MAP4K1: variants seen among roughly 807,000 people sequenced by gnomAD.
MAP4K1 encodes the protein mitogen-activated protein kinase kinase kinase kinase 1.
MAP4K1 carries 35 observed loss-of-function variants against 122.8 expected under a neutral mutation model. The observed-to-expected ratio is 0.29, with a 90% CI of 0.22 to 0.38. The LOEUF is 0.38. Ranked by LOEUF, MAP4K1 falls within the 10% of genes least tolerant of loss-of-function variation. The pLI is 1.00. For synonymous variants in MAP4K1, 412 were observed against 421.3 expected (o/e 0.98, Z 0.27); for missense variants, 791 against 1,072.6 (o/e 0.74, Z 3.67).
In MAP4K1 at chr19:38,617,780, C is replaced by A. The variant is rs1975694917; in HGVS notation, c.99+17G>T. 1 of 1,613,636 alleles carries A rather than the reference C, an allele frequency of 6.2e-7. No homozygotes were observed. The highest frequency in any genetic ancestry group is 8.5e-7 in the Non-Finnish European group (1 of 1,179,654). ...GTCACTGGTTGTAGGGTGTTGGGGACAGAGGGGCTTCCTCACCTTAAAGAC... is the reference window on the plus strand; with the variant it reads ...GTCACTGGTTGTAGGGTGTTGGGGAAAGAGGGGCTTCCTCACCTTAAAGAC... On this transcript the variant is annotated intron_variant, in intron 1 of 30. Coordinates refer to ENST00000396857, the MANE Select transcript of MAP4K1 (RefSeq NM_001042600.3). This position sits in a 1 kb window ranked among gnomAD's most constrained non-coding sequence, Gnocchi z 4.1.
chr19:38,597,075 G>A lies in MAP4K1; in HGVS notation c.1900C>T (p.Leu634Phe). 6.2e-7 allele frequency: 1 copy of A among 1,614,184 alleles called. No homozygotes were observed. Among genetic ancestry groups the A allele is most frequent in the Non-Finnish European group, 8.5e-7 (1 of 1,180,022 alleles). ...CGALETSVVL[L>F]QWYQPMNKFL... The stretch of plus-strand genomic sequence containing the variant: ...TTGTTCATGGGCTGGTACCACTGAA[G>A]CAGGACAACGGACGTCTCCAATGCA... The change falls in exon 25 of 31, where the codon CTT (leucine) becomes TTT (phenylalanine). Residue 634 changes from leucine to phenylalanine, a missense_variant. Leu to Phe is a conservative substitution (Grantham distance 22, BLOSUM62 0). Around this residue, in one of 4 missense-constraint regions of MAP4K1, gnomAD observed 267 missense variants for 323.0 expected, o/e 0.83. Coordinates refer to ENST00000396857, the MANE Select transcript of MAP4K1 (RefSeq NM_001042600.3). This position sits in a 1 kb window ranked among gnomAD's most constrained non-coding sequence, Gnocchi z 4.6.
rs544862438 is a variant in MAP4K1, at chr19:38,592,917, C to A, written c.2396+365G>T. Among the ~76,000 whole-genome samples the A allele has an allele frequency of 5.4e-3, 821 of 151,252 alleles. 9 individuals carry two copies. The highest frequency in any genetic ancestry group is 0.019 in the African/African-American group (776 of 41,010). On this transcript the variant is annotated intron_variant, in intron 30 of 30. Coordinates refer to ENST00000396857, the MANE Select transcript of MAP4K1 (RefSeq NM_001042600.3). ...GGGCAACAAAAGCAAAACTCCATCTCAATAAATAAATAAATAAATAAATAA... is the reference window on the plus strand; with the variant it reads ...GGGCAACAAAAGCAAAACTCCATCTAAATAAATAAATAAATAAATAAATAA...
intron 26 of MAP4K1, 45 bp downstream of exon 26, chr19:38,596,267 C>T: frequency 1.3e-6 from 2 of 1,498,844 alleles, no homozygotes; most frequent in South Asian, 1.3e-5. Context: ...TCCGCCCCTC[C>T]GGATCTGATA....
chr19:38,608,124 G>A lies in MAP4K1; in HGVS notation c.1053C>T (p.Pro351=), dbSNP rs1444309043. ...FRKLRGMETR[P]PANTARLQPP... ...GACAGCATCTCACGGTGTTGGCTGG[G>A]GGTCTGGTCTCCATTCCTCGGAGCT... Residue 351 remains proline (P), a synonymous_variant, in exon 14 of 31, where the codon CCC becomes CCT. Coordinates refer to ENST00000396857, the MANE Select transcript of MAP4K1 (RefSeq NM_001042600.3). 9 of 1,535,668 alleles carry A rather than the reference G, an allele frequency of 5.9e-6. No individual in the cohort carries two copies. Among genetic ancestry groups the A allele is most frequent in the Non-Finnish European group, 7.9e-6 (9 of 1,143,662 alleles).
Position 38,605,735 on chromosome 19 carries a change from G to T in MAP4K1, c.1201-5C>A. The T allele has an allele frequency of 6.2e-7, 1 of 1,603,578 alleles. No individual in the cohort carries two copies. Among genetic ancestry groups the T allele is most frequent in the South Asian group, 1.1e-5 (1 of 90,022 alleles). The stretch of plus-strand genomic sequence containing the variant: ...TGATGGAGAACGGAACTTGGGCTTT[G>T]GAGACGGGAATGGAGCGTGGGGAAA... On this transcript the variant is annotated splice_region_variant and splice_polypyrimidine_tract_variant and intron_variant, in intron 17 of 30. Coordinates refer to ENST00000396857, the MANE Select transcript of MAP4K1 (RefSeq NM_001042600.3).
At position 38,603,123 on chromosome 19, in the gene MAP4K1, T is replaced by C. The variant is rs1167584344; in HGVS notation, c.1447-1598A>G. ...ACATGTACATATATACACATGTACA[T>C]ATATACGCATATACATATATACACA... On this transcript the variant is annotated intron_variant, in intron 19 of 30. Transcript: ENST00000396857. Among the ~76,000 whole-genome samples the C allele has an allele frequency of 1.7e-5, 2 of 115,982 alleles. 1 individual carries two copies. The highest frequency in any genetic ancestry group is 6.5e-5 in the African/African-American group (2 of 30,854). 76.1% of individuals were successfully genotyped at this position (115,982 alleles called of 152,430 possible). A position where few individuals can be genotyped will look rare whatever the true frequency, so the allele number is the denominator to read the frequency against.
chr19:38,595,681 C>T lies in MAP4K1; in HGVS notation c.2228G>A (p.Arg743His), dbSNP rs1352944720. Residue 743 changes from arginine to histidine, a missense_variant, in exon 28 of 31, where the codon CGC (arginine) becomes CAC (histidine). Around this residue, in one of 4 missense-constraint regions of MAP4K1, gnomAD observed 267 missense variants for 323.0 expected, o/e 0.83. Coordinates refer to ENST00000396857, the MANE Select transcript of MAP4K1 (RefSeq NM_001042600.3). Reference protein sequence around the residue: ...TPEGSPVRGLRTPEIPMTEAV... With the variant: ...TPEGSPVRGLHTPEIPMTEAV... ...TTCGGTCATGGGGATCTCAGGTGTG[C>T]GAAGTCCCCGGACTGGGGACCCCTC... 7.4e-6 allele frequency: 12 copies of T among 1,612,806 alleles called. No homozygotes were observed. Among genetic ancestry groups the T allele is most frequent in the Admixed American group, 3.3e-5 (2 of 59,798 alleles).
rs189210772 is a variant in MAP4K1 at position 38,595,364 on chromosome 19, T to C, written c.2340+121A>G. The C allele has an allele frequency of 1.8e-4, 141 of 786,336 alleles. 2 individuals carry two copies. The East Asian group carries it at 3.8e-3, about 21-fold the overall frequency. 48.7% of individuals were successfully genotyped at this position (786,336 alleles called of 1,614,324 possible). A position where few individuals can be genotyped will look rare whatever the true frequency, so the allele number is the denominator to read the frequency against. ...GAAGGGGATCTATCTGAACTGAAAT[T>C]TGGAAGATGTTTCCCCTCCAGGACT... On this transcript the variant is annotated intron_variant, in intron 29 of 30. Transcript: ENST00000396857.
Position 38,596,349 on chromosome 19 carries a change from A to G in MAP4K1, c.2079T>C (p.Phe693=). ...GKSVLFHTVR[F]GALSCWLGEM... is the part of the protein sequence containing the mutation. ...CGCCCAGCCAGCAAGAGAGCGCGCC[A>G]AAGCGCACCGTGTGGAAGAGCACCG... The change falls in exon 26 of 31, where the codon TTT becomes TTC. Residue 693 remains phenylalanine, a synonymous_variant. Coordinates refer to ENST00000396857, the MANE Select transcript of MAP4K1 (RefSeq NM_001042600.3). The G allele has an allele frequency of 6.2e-7, 1 of 1,602,630 alleles. No individual in the cohort carries two copies. The highest frequency in any genetic ancestry group is 8.5e-7 in the Non-Finnish European group (1 of 1,176,016).
rs201034397 is a variant in MAP4K1 at position 38,616,145 on chromosome 19, G to C, written c.313+50C>G. ...AAGAGGTGAATTTGGGTCGGGGTTG[G>C]GGGGTGGGGATAGGGAGGGGTGCTT... is the stretch of plus-strand genomic sequence containing the variant. On this transcript the variant is annotated intron_variant, in intron 4 of 30. Transcript: ENST00000396857. 2.7e-5 allele frequency: 40 copies of C among 1,461,094 alleles called. 2 individuals are homozygous for C. The Middle Eastern group carries it at 4.0e-3, about 145-fold the overall frequency. 90.5% of individuals were successfully genotyped at this position (1,461,094 alleles called of 1,614,324 possible).
intron 19 of MAP4K1, among the ~76,000 whole-genome samples, chr19:38,604,780 A>C (rs1599708924): frequency 8.5e-6 from 1 of 117,864 alleles, no homozygotes. Context: ...ACACAGTGAG[A>C]CTCTGTCTCA....
At chr19:38,612,976 A>C (rs553552316) in intron 8 of MAP4K1, among the ~76,000 whole-genome samples, 23 of 152,162 alleles carry the variant, frequency 1.5e-4, no homozygotes, top group Admixed American at 1.4e-3. Context: ...AGAATGGCTT[A>C]GGCCCAGGAG....
chr19:38,599,339 C>T (rs1400804716), intron 22 of MAP4K1, among the ~76,000 whole-genome samples: 1 of 122,176 alleles, frequency 8.2e-6, no homozygotes, highest in Non-Finnish European at 1.6e-5. Flanking sequence ...CTGAGTGAGA[C>T]TCGGTCTCAA....
intron 25 of MAP4K1, 67 bp downstream of exon 25, chr19:38,596,967 G>T: frequency 6.9e-7 from 1 of 1,441,298 alleles, no homozygotes; most frequent in Non-Finnish European, 9.8e-7. Context: ...CTTGATAGAA[G>T]CGCAAAGGGT....
chr19:38,599,844 T>C, intron 22 of MAP4K1, 81 bp downstream of exon 22: 2 of 1,341,172 alleles, frequency 1.5e-6, no homozygotes, highest in Non-Finnish European at 2.1e-6. Flanking sequence ...TTTTTTCAGC[T>C]GTGCCCGTCT....
At chr19:38,604,907 T>C (rs540560365) in intron 19 of MAP4K1, among the ~76,000 whole-genome samples, 130 of 151,256 alleles carry the variant, frequency 8.6e-4, no homozygotes, top group Admixed American at 1.4e-3. Flanking sequence ...ACCAACATGG[T>C]GAAACCCCAC....
At chr19:38,595,250 C>G (rs1039426265) in intron 29 of MAP4K1, among the ~76,000 whole-genome samples, 2 of 152,002 alleles carry the variant, frequency 1.3e-5, no homozygotes, top group Non-Finnish European at 2.9e-5. Flanking sequence ...GATCGCACCA[C>G]TGCACTCCAG....
Position 38,617,317 on chromosome 19 carries a change from C to G in MAP4K1, c.248+37G>C. On this transcript the variant is annotated intron_variant, in intron 3 of 30. Coordinates refer to ENST00000396857, the MANE Select transcript of MAP4K1 (RefSeq NM_001042600.3). The surrounding 1 kb of genome is among the most constrained non-coding windows in gnomAD (Gnocchi z 4.1). The stretch of plus-strand genomic sequence containing the variant: ...AGAAATGGGGACTCCGGGTTAGGGG[C>G]TGGGCTGGGTGCCAGGGTGGGTCTG... The G allele has an allele frequency of 6.9e-7, 1 of 1,445,056 alleles. No homozygotes were observed. The allele number at this position is 1,445,056 out of a possible 1,614,324, so 89.5% of individuals were successfully genotyped here. A position where few individuals can be genotyped will look rare whatever the true frequency, so the allele number is the denominator to read the frequency against.
intron 5 of MAP4K1, 43 bp downstream of exon 5, chr19:38,614,347 C>T: frequency 1.2e-6 from 2 of 1,613,692 alleles, no homozygotes; most frequent in Non-Finnish European, 1.7e-6. Flanking sequence ...GGAGTGGGGC[C>T]ACCCTCCCCT....
Sources: gnomAD v4.1 joint callset for allele counts (sites outside exome capture counted in the v4.1 genomes callset) on GRCh38, gnomAD v4.1.1 for gene constraint, gnomAD v4.1.1 regional missense constraint, Gnocchi (gnomAD v3.1) non-coding constraint, MANE v1.5 for transcripts, NCBI Gene and HGNC (gene_info 2026-07-23, HGNC 2026-07-21) for gene names.